The following RYR2 variants were observed in gnomAD, a reference collection of about 807,000 sequenced individuals.
RYR2 encodes the protein cardiac muscle ryanodine receptor-calcium release channel.
Under a neutral mutation model 601.1 loss-of-function variants are expected in RYR2, and 227 were observed. The observed-to-expected ratio is 0.38, with a 90% CI of 0.34 to 0.42. The LOEUF is 0.42. Among genes scored for constraint, RYR2 ranks in the 10% least tolerant of loss-of-function variants. The pLI, the probability that RYR2 is intolerant of heterozygous loss-of-function variation, is 1.00. For missense variants in RYR2, 4,646 were observed against 6,156.5 expected (o/e 0.75, Z 8.21); for synonymous variants, 2,223 against 2,175.1 (o/e 1.02, Z -0.61).
In RYR2 at chr1:237,701,976, A is replaced by C; in HGVS notation, c.9368-2A>C. 6.4e-7 allele frequency: 1 copy of C among 1,567,194 alleles called. No individual in the cohort carries two copies. Among genetic ancestry groups the C allele is most frequent in the East Asian group, 2.2e-5 (1 of 44,564 alleles). The stretch of plus-strand genomic sequence containing the variant: ...TTCAAGTGAGATTCTCTTTTTCCTT[A>C]GTGGAAGATGTCCAGGTGTCTTGTT... On this transcript the variant is annotated splice_acceptor_variant, in intron 65 of 104. Coordinates refer to ENST00000366574, the MANE Select transcript of RYR2 (RefSeq NM_001035.3). LOFTEE classifies it high-confidence loss of function.
chr1:237,827,857 A>G (rs1663313679), intron 101 of RYR2, among the ~76,000 whole-genome samples: 1 of 142,404 alleles, frequency 7.0e-6, no homozygotes, highest in Non-Finnish European at 1.5e-5. Flanking sequence ...GAATGGCATG[A>G]ACCCGGGAGG....
chr1:237,504,536 G>A (rs569127592), intron 22 of RYR2, among the ~76,000 whole-genome samples: 1 of 152,290 alleles, frequency 6.6e-6, no homozygotes, highest in Non-Finnish European at 1.5e-5. Flanking sequence ...AGGCCATCTG[G>A]ATGTATACAT....
chr1:237,442,102 C>T (rs780213960), intron 13 of RYR2, among the ~76,000 whole-genome samples: 4 of 152,102 alleles, frequency 2.6e-5, no homozygotes, highest in Non-Finnish European at 5.9e-5. Context: ...GTGAGATTGC[C>T]CATGCACCTG....
intron 90 of RYR2, 106 bp from the exon 91 acceptor site, chr1:237,785,855 AGCAAGAGG>A: frequency 1.3e-6 from 1 of 769,204 alleles, no homozygotes. Context: ...TCGTGGTATA[AGCAAGAGG>A]GTATCTTATA....
At chr1:237,117,302 A>G (rs575647864) in intron 1 of RYR2, among the ~76,000 whole-genome samples, 1 of 152,278 alleles carries the variant, frequency 6.6e-6, no homozygotes, top group African/African-American at 2.4e-5. Context: ...GGCCCAGGTC[A>G]CGAAAGACCT....
intron 2 of RYR2, among the ~76,000 whole-genome samples, chr1:237,286,055 G>C (rs555137896): frequency 6.6e-6 from 1 of 151,824 alleles, no homozygotes; most frequent in Non-Finnish European, 1.5e-5. Flanking sequence ...TCTTTCTTCT[G>C]CTGGGTTTGG....
At chr1:237,538,477 G>A (rs972139109) in intron 25 of RYR2, among the ~76,000 whole-genome samples, 3 of 81,442 alleles carry the variant, frequency 3.7e-5, no homozygotes, top group Non-Finnish European at 5.8e-5. Flanking sequence ...GGTGTTTAAA[G>A]AAGTTTTTTT....
At chr1:237,064,994 AC>A (rs1663382129) in intron 1 of RYR2, among the ~76,000 whole-genome samples, 1 of 151,988 alleles carries the variant, frequency 6.6e-6, no homozygotes, top group African/African-American at 2.4e-5. Context: ...TTTTGGTGGC[AC>A]GTAACATCGT....
chr1:237,789,733 T>A (rs1214364306), intron 92 of RYR2, among the ~76,000 whole-genome samples: 1 of 152,260 alleles, frequency 6.6e-6, no homozygotes, highest in Non-Finnish European at 1.5e-5. Flanking sequence ...CTGTTGTCTC[T>A]GCACAGCTCC....
intron 34 of RYR2, among the ~76,000 whole-genome samples, chr1:237,600,467 C>T (rs549010630): frequency 6.6e-6 from 1 of 152,242 alleles, no homozygotes; most frequent in South Asian, 2.1e-4. Context: ...GGATTAAAGA[C>T]TTAATGTAGG....
At chr1:237,602,138 A>G in intron 35 of RYR2, 27 bp downstream of exon 35, 1 of 1,561,014 alleles carries the variant, frequency 6.4e-7, no homozygotes, top group Non-Finnish European at 8.8e-7. Flanking sequence ...CTGGTATTGT[A>G]TTTGTATTTT....
intron 1 of RYR2, among the ~76,000 whole-genome samples, chr1:237,164,623 G>A (rs1047835736): frequency 2.6e-5 from 4 of 152,190 alleles, no homozygotes; most frequent in Non-Finnish European, 5.9e-5. Context: ...CTGATGGCTG[G>A]GTTAGGTGGG....
intron 24 of RYR2, among the ~76,000 whole-genome samples, chr1:237,520,672 A>T (rs1666999097): frequency 6.6e-6 from 1 of 152,186 alleles, no homozygotes; most frequent in Non-Finnish European, 1.5e-5. Context: ...TCCTGAAAAC[A>T]TGCAGCCTCC....
intron 13 of RYR2, among the ~76,000 whole-genome samples, chr1:237,444,334 C>A (rs1421399478): frequency 6.6e-6 from 1 of 152,046 alleles, no homozygotes; most frequent in Non-Finnish European, 1.5e-5. Flanking sequence ...TTTAGTCATT[C>A]TTTTCTTTAT....
At chr1:237,565,719 A>G (rs2805389) in intron 27 of RYR2, among the ~76,000 whole-genome samples, 80,207 of 151,872 alleles carry the variant, frequency 0.53, 23,129 homozygotes, top group South Asian at 0.65. Flanking sequence ...TAGCTGGGTG[A>G]CCACCTTCTT....
chr1:237,775,075 C>CAAAAAAA (rs5781992), intron 87 of RYR2, among the ~76,000 whole-genome samples: 2 of 90,442 alleles, frequency 2.2e-5, no homozygotes, highest in East Asian at 3.5e-4. Context: ...CAATAAGAAC[C>CAAAAAAA]AAAAAAAAAA....
intron 4 of RYR2, 141 bp from the exon 5 acceptor site, chr1:237,364,217 G>T: frequency 1.5e-6 from 1 of 645,736 alleles, no homozygotes; most frequent in Non-Finnish European, 2.5e-6. Context: ...GCGATAACAT[G>T]GTGAATGTTT....
intron 17 of RYR2, among the ~76,000 whole-genome samples, chr1:237,473,545 G>A (rs1223703116): frequency 6.6e-6 from 1 of 151,684 alleles, no homozygotes; most frequent in Admixed American, 6.6e-5. Context: ...ATACAAAGTT[G>A]CCTGGCTGTA....
At chr1:237,221,267 T>C (rs1441676252) in intron 1 of RYR2, among the ~76,000 whole-genome samples, 1 of 152,200 alleles carries the variant, frequency 6.6e-6, no homozygotes, top group Non-Finnish European at 1.5e-5. Context: ...AAGACTTGCA[T>C]GGAAAACATT....
Sources: gnomAD v4.1 joint callset for allele counts (sites outside exome capture counted in the v4.1 genomes callset) on GRCh38, gnomAD v4.1.1 for gene constraint, MANE v1.5 for transcripts, NCBI Gene and HGNC (gene_info 2026-07-23, HGNC 2026-07-21) for gene names.